Variants in FRMPD4 observed in about 807,000 individuals in gnomAD.
FRMPD4 encodes the protein FERM and PDZ domain-containing protein 4.
A neutral mutation model predicts 94.1 loss-of-function variants in FRMPD4; 22 were observed. That is an observed-to-expected ratio of 0.23 (90% CI 0.17 to 0.33). The LOEUF (loss-of-function observed/expected upper bound fraction) is 0.33. Among genes scored for constraint, FRMPD4 ranks in the 10% least tolerant of loss-of-function variants. The probability of loss-of-function intolerance (pLI) is 1.00; values close to 1 mark genes in which losing one functional copy is unlikely to be tolerated. For missense variants in FRMPD4, 1,111 were observed against 1,339.9 expected, an observed-to-expected ratio of 0.83 and a Z score of 2.67; for synonymous variants, 631 against 548.6, an observed-to-expected ratio of 1.15 and a Z score of -2.10.
chrX:12,525,174 T>C (rs952421154), intron 2 of FRMPD4, among the ~76,000 whole-genome samples: 4 of 110,733 alleles, frequency 3.6e-5, no homozygotes, highest in African/African-American at 1.3e-4. Flanking sequence ...CTGATTCTAA[T>C]AGTAAAAGTT....
At chrX:12,622,015 A>AAAGAAAGGAAGGAAGG (rs1398888625) in intron 4 of FRMPD4, among the ~76,000 whole-genome samples, 7 of 21,998 alleles carry the variant, frequency 3.2e-4, no homozygotes, top group Non-Finnish European at 4.1e-4. Context: ...AGAAAGAAAG[A>AAAGAAAGGAAGGAAGG]AAGGAAGGAA....
intron 9 of FRMPD4, among the ~76,000 whole-genome samples, chrX:12,694,833 T>C (rs1484725836): frequency 2.7e-5 from 3 of 112,441 alleles, no homozygotes; most frequent in Non-Finnish European, 3.8e-5. Context: ...TACTCCTAAA[T>C]ACTTCAGTGT....
chrX:12,143,150 C>T (rs1171222173), intron 1 of FRMPD4, among the ~76,000 whole-genome samples: 1 of 111,818 alleles, frequency 8.9e-6, no homozygotes, highest in Non-Finnish European at 1.9e-5. Flanking sequence ...GCATACCGTC[C>T]TGAAATCTAC....
At chrX:12,023,400 C>T (rs746734803) in intron 3 of FRMPD4, among the ~76,000 whole-genome samples, 31 of 111,815 alleles carry the variant, frequency 2.8e-4, no homozygotes, top group African/African-American at 3.9e-4. Context: ...CAAATTCCCA[C>T]GCATGGCACA....
intron 3 of FRMPD4, 143 bp from the exon 4 acceptor site, chrX:12,614,636 T>C: frequency 2.3e-6 from 1 of 440,928 alleles, no homozygotes; most frequent in Non-Finnish European, 4.1e-6. Flanking sequence ...GGCCTCAGAA[T>C]TGTCCAAAGA....
At chrX:12,720,058 GA>G (rs1211489442) in intron 16 of FRMPD4, among the ~76,000 whole-genome samples, 7 of 72,162 alleles carry the variant, frequency 9.7e-5, no homozygotes, top group Non-Finnish European at 1.7e-4. Context: ...AGGAAAGAAA[GA>G]AAGAAAGAAA....
In FRMPD4 at chrX:12,717,923, G is replaced by A. The variant is rs772365939; in HGVS notation, c.3097G>A (p.Asp1033Asn). Residue 1033 changes from aspartate (D) to asparagine (N), a missense_variant, in exon 16 of 17, where the codon GAT becomes AAT. Coordinates refer to ENST00000675598, the MANE Select transcript of FRMPD4 (RefSeq NM_001368397.1). ...TAGCAAAAGGAAAAGCAAGCTGGCC[G>A]ATGGTGAGGGGAAGGCACCCCCTAA... ...CTSKRKSKLA[D>N]GEGKAPPNGN... 29 of 1,210,272 alleles carry A rather than the reference G, an allele frequency of 2.4e-5. No homozygotes were observed. In the South Asian group the frequency reaches 2.8e-4, roughly 12 times the overall value.
chrX:12,477,062 CCAA>C (rs756045586), intron 1 of FRMPD4, among the ~76,000 whole-genome samples: 2,636 of 111,749 alleles, frequency 0.024, 92 homozygotes, highest in African/African-American at 0.082. Context: ...ACCCAAATGT[CCAA>C]CAACGATAGA....
chrX:12,397,909 A>T (rs914936850), intron 1 of FRMPD4, among the ~76,000 whole-genome samples: 1 of 111,789 alleles, frequency 8.9e-6, no homozygotes, highest in African/African-American at 3.3e-5. Context: ...CCCAGGAACT[A>T]GAGCAACACC....
rs1286517853 is a variant in FRMPD4, at chrX:12,540,713, C to A, written c.158+41917C>A. Among the ~76,000 whole-genome samples, 3 of 111,483 alleles carry A rather than the reference C, an allele frequency of 2.7e-5. No individual in the cohort carries two copies. The East Asian group carries it at 8.4e-4, about 31-fold the overall frequency. ...GAAAATTAAAAAGGATATCCAGCAA[C>A]TGAACTCAGCTCTGCACCAAGTGGG... is the stretch of plus-strand genomic sequence containing the variant. On this transcript the variant is annotated intron_variant, in intron 2 of 16. Transcript: ENST00000675598.
At chrX:12,223,438 C>T (rs986258024) in intron 1 of FRMPD4, among the ~76,000 whole-genome samples, 7 of 111,396 alleles carry the variant, frequency 6.3e-5, no homozygotes, top group Non-Finnish European at 1.1e-4. Flanking sequence ...CAGTAGACAC[C>T]GGGGCCTCCT....
intron 3 of FRMPD4, among the ~76,000 whole-genome samples, chrX:12,043,164 T>C (rs1227353497): frequency 1.7e-4 from 19 of 111,695 alleles, no homozygotes; most frequent in Admixed American, 1.5e-3. Context: ...GCTTTATATA[T>C]GTTTGTTGGT....
chrX:12,517,954 C>CA (rs1265580816), intron 2 of FRMPD4, among the ~76,000 whole-genome samples: 1 of 112,400 alleles, frequency 8.9e-6, no homozygotes, highest in Non-Finnish European at 1.9e-5. Context: ...AGAGAGGGGT[C>CA]AGAGTCTGGC....
chrX:12,609,958 A>G (rs1216409812), intron 3 of FRMPD4, 77 bp downstream of exon 3: 4 of 942,667 alleles, frequency 4.2e-6, no homozygotes, highest in East Asian at 6.2e-5. Context: ...GTTCAGTTTC[A>G]TAAGTGTCCA....
chrX:11,930,291 A>G (rs1255264894), intron 3 of FRMPD4, among the ~76,000 whole-genome samples: 1 of 110,489 alleles, frequency 9.1e-6, no homozygotes, highest in African/African-American at 3.3e-5. Context: ...TGGCTCCCCA[A>G]AAGATATGCC....
intron 1 of FRMPD4, among the ~76,000 whole-genome samples, chrX:12,232,904 A>C (rs761258289): frequency 1.8e-5 from 2 of 112,200 alleles, no homozygotes; most frequent in South Asian, 7.5e-4. Context: ...CTGAGTGAGG[A>C]GAAGTAAGTA....
chrX:12,306,171 G>T (rs1397474796), intron 1 of FRMPD4, among the ~76,000 whole-genome samples: 1 of 110,926 alleles, frequency 9.0e-6, no homozygotes, highest in Non-Finnish European at 1.9e-5. Context: ...ATTGACAGAG[G>T]CTATTTTTAC....
chrX:12,235,227 G>T (rs756765454), intron 1 of FRMPD4, among the ~76,000 whole-genome samples: 2 of 111,941 alleles, frequency 1.8e-5, no homozygotes, highest in Non-Finnish European at 3.8e-5. Context: ...CGTCCCTTCT[G>T]GGGGAGATGT....
intron 1 of FRMPD4, among the ~76,000 whole-genome samples, chrX:12,452,796 A>G (rs2057288540): frequency 8.9e-6 from 1 of 111,861 alleles, no homozygotes; most frequent in Non-Finnish European, 1.9e-5. Context: ...TGCTACTTCT[A>G]AAAACGCACT....
Sources: allele counts gnomAD v4.1 joint callset (sites outside exome capture counted in the v4.1 genomes callset), GRCh38; gene constraint gnomAD v4.1.1; transcripts MANE v1.5; gene names NCBI Gene and HGNC (gene_info 2026-07-23, HGNC 2026-07-21).